Variants in KCNJ18 observed in about 807,000 individuals in gnomAD.
The protein encoded by KCNJ18 is inward rectifier potassium channel 18.
KCNJ18 carries 16 observed loss-of-function variants against 17.3 expected under a neutral mutation model. That is an observed-to-expected ratio of 0.92 (90% CI 0.62 to 1.40). The LOEUF is 1.40. Ranked by LOEUF, KCNJ18 falls within the 40% of genes most tolerant of loss-of-function variation. The pLI, the probability that KCNJ18 is intolerant of heterozygous loss-of-function variation, is 0.00. For missense variants in KCNJ18, 462 were observed against 626.8 expected (o/e 0.74, Z 2.81); for synonymous variants, 185 against 262.6 (o/e 0.70, Z 2.86).
At chr17:21,698,365 C>T (rs1194572085) in intron 2 of KCNJ18, among the ~76,000 whole-genome samples, 1 of 152,046 alleles carries the variant, frequency 6.6e-6, no homozygotes, top group Non-Finnish European at 1.5e-5. Context: ...TATTAAAGCT[C>T]TTAGAAGAGC....
intron 2 of KCNJ18, among the ~76,000 whole-genome samples, chr17:21,700,276 G>A (rs1283909501): frequency 0.013 from 1,391 of 108,418 alleles, no homozygotes; most frequent in South Asian, 0.066. Context: ...GGGGGACGGC[G>A]CTAGAGGTGG....
At chr17:21,694,766 A>G (rs1905704099) in intron 1 of KCNJ18, among the ~76,000 whole-genome samples, 1 of 150,098 alleles carries the variant, frequency 6.7e-6, no homozygotes, top group South Asian at 2.1e-4. Flanking sequence ...CCACCCATCC[A>G]CTCATCCACT....
Position 21,702,953 on chromosome 17 carries a change from C to A in KCNJ18, c.167C>A (p.Ala56Glu), listed in dbSNP as rs1435508633. The A allele has an allele frequency of 0.44, 535,807 of 1,207,968 alleles. 178,844 individuals carry two copies. Among genetic ancestry groups the A allele is most frequent in the East Asian group, 0.85 (34,141 of 40,284 alleles). The allele number at this position is 1,207,968 out of a possible 1,614,324, so 74.8% of individuals were successfully genotyped here. Residue 56 changes from alanine (A) to glutamate (E), a missense_variant, in exon 3 of 3, where the codon GCG becomes GAG. By Grantham distance (107) the Ala-to-Glu change is moderately radical. This residue lies in a region of KCNJ18 where 237 missense variants were observed against 259.4 expected (regional missense o/e 0.91). Coordinates refer to ENST00000567955, the MANE Select transcript of KCNJ18 (RefSeq NM_001194958.2). ...AAGAAGAATGGCCAGTGCAACATTG[C>A]GTTCGCCAACATGGACGAGAAGTCA... is the stretch of plus-strand genomic sequence containing the variant. ...FVKKNGQCNIAFANMDEKSQR... is the reference protein window; with the variant it reads ...FVKKNGQCNIEFANMDEKSQR...
At chr17:21,699,830 G>A (rs1290207006) in intron 2 of KCNJ18, among the ~76,000 whole-genome samples, 270 of 152,386 alleles carry the variant, frequency 1.8e-3, no homozygotes, top group African/African-American at 6.2e-3. Context: ...TTTCGAGGCC[G>A]CCAGCTACTG....
chr17:21,696,685 T>A (rs1905768108), intron 2 of KCNJ18, among the ~76,000 whole-genome samples: 3 of 152,012 alleles, frequency 2.0e-5, no homozygotes, highest in Middle Eastern at 3.4e-3. Flanking sequence ...TGCTAGAGGA[T>A]CCTAAAGGGG....
In KCNJ18 at chr17:21,703,534, G is replaced by T; in HGVS notation, c.748G>T (p.Asp250Tyr). 1 of 1,606,810 alleles carries T rather than the reference G, an allele frequency of 6.2e-7. No homozygotes were observed. The highest frequency in any genetic ancestry group is 8.5e-7 in the Non-Finnish European group (1 of 1,176,988). Residue 250 changes from aspartate (D) to tyrosine (Y), a missense_variant, in exon 3 of 3, where the codon GAC becomes TAC. Asp to Tyr is a radical substitution (Grantham distance 160). Around this residue, in one of 5 missense-constraint regions of KCNJ18, gnomAD observed 27 missense variants for 119.2 expected, o/e 0.23. Coordinates refer to ENST00000567955, the MANE Select transcript of KCNJ18 (RefSeq NM_001194958.2). Reference sequence around the variant, plus strand: ...CGAGTACATCCCGCTGGACCAGATCGACATCGATGTGGGCTTCGACAAGGG... The same window carrying T: ...CGAGTACATCCCGCTGGACCAGATCTACATCGATGTGGGCTTCGACAAGGG... ...EGEYIPLDQIDIDVGFDKGLD... is the reference protein window; with the variant it reads ...EGEYIPLDQIYIDVGFDKGLD...
Position 21,703,947 on chromosome 17 carries a change from C to A in KCNJ18, c.1161C>A (p.Asp387Glu). 1.2e-6 allele frequency: 2 copies of A among 1,609,716 alleles called. No individual in the cohort carries two copies. The highest frequency in any genetic ancestry group is 2.2e-5 in the East Asian group (1 of 44,856). The stretch of plus-strand genomic sequence containing the variant: ...ACGAGCTGGCCTTCCTGAGCCGTGA[C>A]GAGGAGGATGAGGCGGACGGAGACC... ...YENELAFLSR[D>E]EEDEADGDQD... Residue 387 changes from aspartate to glutamate, a missense_variant, in exon 3 of 3, where the codon GAC becomes GAA. Asp to Glu is a conservative substitution (Grantham distance 45). Coordinates refer to ENST00000567955, the MANE Select transcript of KCNJ18 (RefSeq NM_001194958.2).
chr17:21,693,443 T>C (rs1354571785), intron 1 of KCNJ18, among the ~76,000 whole-genome samples: 1 of 152,310 alleles, frequency 6.6e-6, no homozygotes, highest in Non-Finnish European at 1.5e-5. Context: ...AGGATGTGGA[T>C]AGATGCTGCT....
In KCNJ18 at chr17:21,702,874, G is replaced by A. The variant is rs1265363729; in HGVS notation, c.88G>A (p.Gly30Ser). The change falls in exon 3 of 3, where the codon GGC (glycine) becomes AGC (serine). Residue 30 changes from glycine to serine, a missense_variant. Around this residue, in one of 5 missense-constraint regions of KCNJ18, gnomAD observed 237 missense variants for 259.4 expected, o/e 0.91. Coordinates refer to ENST00000567955, the MANE Select transcript of KCNJ18 (RefSeq NM_001194958.2). Reference sequence around the variant, plus strand: ...CCTGGTCACCATGTCGGGCGCCAACGGCTTCGGCAACGGCAAGGTGCACAC... The same window carrying A: ...CCTGGTCACCATGTCGGGCGCCAACAGCTTCGGCAACGGCAAGGTGCACAC... ...LHLVTMSGAN[G>S]FGNGKVHTRR... The A allele has an allele frequency of 8.2e-5, 132 of 1,600,108 alleles. No individual in the cohort carries two copies. Among genetic ancestry groups the A allele is most frequent in the Non-Finnish European group, 9.9e-5 (116 of 1,177,270 alleles).
chr17:21,703,212 C>T lies in KCNJ18; in HGVS notation c.426C>T (p.Thr142=). The T allele has an allele frequency of 6.2e-7, 1 of 1,610,966 alleles. No individual in the cohort carries two copies. The highest frequency in any genetic ancestry group is 8.5e-7 in the Non-Finnish European group (1 of 1,179,338). ...AAFLFSIETQ[T]TIGYGLRCVT... ...TCCTCTTCTCCATCGAGACGCAGAC[C>T]ACCATCGGCTACGGGCTGCGCTGTG... The change falls in exon 3 of 3, where the codon ACC becomes ACT. Residue 142 remains threonine, a synonymous_variant. Coordinates refer to ENST00000567955, the MANE Select transcript of KCNJ18 (RefSeq NM_001194958.2).
At chr17:21,695,564 G>C (rs1327785739) in intron 1 of KCNJ18, among the ~76,000 whole-genome samples, 5 of 152,286 alleles carry the variant, frequency 3.3e-5, no homozygotes, top group African/African-American at 7.2e-5. Context: ...GCAGGTGGTG[G>C]CTGGGAGTAC....
rs1906025587 is a variant in KCNJ18, at chr17:21,703,116, T to G, written c.330T>G (p.Gly110=). 2 of 1,612,030 alleles carry G rather than the reference T, an allele frequency of 1.2e-6. No individual in the cohort carries two copies. The highest frequency in any genetic ancestry group is 2.7e-5 in the African/African-American group (2 of 74,928). ...TCTGGGTCATCGCGGTGGCACACGG[T>G]GACCTGGAGCCGGCTGAGGGCCACG... ...VIFWVIAVAH[G]DLEPAEGHGR... Residue 110 remains glycine (G), a synonymous_variant, in exon 3 of 3, where the codon GGT becomes GGG. Coordinates refer to ENST00000567955, the MANE Select transcript of KCNJ18 (RefSeq NM_001194958.2).
intron 2 of KCNJ18, among the ~76,000 whole-genome samples, chr17:21,699,522 C>T (rs1413690262): frequency 6.6e-6 from 1 of 152,202 alleles, no homozygotes; most frequent in African/African-American, 2.4e-5. Context: ...CACGGCAGAG[C>T]AGGGCTGTGT....
Position 21,704,236 on chromosome 17 carries a change from G to A in KCNJ18, c.*148G>A. 2.9e-6 allele frequency: 3 copies of A among 1,034,868 alleles called. No individual in the cohort carries two copies. The highest frequency in any genetic ancestry group is 2.0e-5 in the South Asian group (1 of 51,094). 64.1% of individuals were successfully genotyped at this position (1,034,868 alleles called of 1,614,324 possible). A position where few individuals can be genotyped will look rare whatever the true frequency, so the allele number is the denominator to read the frequency against. On this transcript the variant is annotated 3_prime_UTR_variant, in exon 3 of 3. Transcript: ENST00000567955. ...AGTCGTTTTATGTTTCTTTGCAAAG[G>A]CCTCAGAAGGTTGGCCGGAGAGGGG...
In KCNJ18 at chr17:21,703,836, G is replaced by T; in HGVS notation, c.1050G>T (p.Glu350Asp). Residue 350 changes from glutamate (E) to aspartate (D), a missense_variant, in exon 3 of 3, where the codon GAG (glutamate) becomes GAT (aspartate). Glu to Asp is a conservative substitution (Grantham distance 45, BLOSUM62 2). Coordinates refer to ENST00000567955, the MANE Select transcript of KCNJ18 (RefSeq NM_001194958.2). Reference protein sequence around the residue: ...IDYSHFHKTYEVPSTPRCSAK... With the variant: ...IDYSHFHKTYDVPSTPRCSAK... Reference sequence around the variant, plus strand: ...ACTCGCACTTCCACAAGACCTATGAGGTGCCCTCTACGCCCCGCTGCAGTG... The same window carrying T: ...ACTCGCACTTCCACAAGACCTATGATGTGCCCTCTACGCCCCGCTGCAGTG... The T allele has an allele frequency of 1.2e-6, 2 of 1,611,472 alleles. No homozygotes were observed. The highest frequency in any genetic ancestry group is 3.3e-5 in the Admixed American group (2 of 59,836).
At chr17:21,699,959 C>G (rs1300064258) in intron 2 of KCNJ18, among the ~76,000 whole-genome samples, 1 of 152,284 alleles carries the variant, frequency 6.6e-6, no homozygotes, top group Non-Finnish European at 1.5e-5. Flanking sequence ...TCCCTCAAGG[C>G]CCCTGGGCCA....
intron 1 of KCNJ18, among the ~76,000 whole-genome samples, chr17:21,693,824 C>T (rs1905679832): frequency 6.6e-6 from 1 of 152,234 alleles, no homozygotes; most frequent in Admixed American, 6.5e-5. Flanking sequence ...TCCATCCACC[C>T]ATCCATCTCT....
intron 2 of KCNJ18, among the ~76,000 whole-genome samples, chr17:21,700,203 C>A (rs1430720266): frequency 3.3e-5 from 5 of 150,264 alleles, no homozygotes; most frequent in Non-Finnish European, 7.4e-5. Context: ...TCAGCCACAG[C>A]GGTGTTGGGG....
At chr17:21,694,406 A>G (rs1194725934) in intron 1 of KCNJ18, among the ~76,000 whole-genome samples, 1 of 151,924 alleles carries the variant, frequency 6.6e-6, no homozygotes, top group East Asian at 1.9e-4. Context: ...GATTGCAGGG[A>G]CCATGTAGGA....
Sources: allele counts gnomAD v4.1 joint callset (sites outside exome capture counted in the v4.1 genomes callset), GRCh38; gene constraint gnomAD v4.1.1; regional missense constraint gnomAD v4.1.1; transcripts MANE v1.5; gene names NCBI Gene and HGNC (gene_info 2026-07-23, HGNC 2026-07-21).